The following PCDHA10 variants were observed in gnomAD, a reference collection of about 807,000 sequenced individuals.
PCDHA10 encodes the protein protocadherin alpha 10, also known as protocadherin alpha-10.
PCDHA10 carries 45 observed loss-of-function variants against 61.2 expected under a neutral mutation model. The observed-to-expected ratio is 0.74, with a 90% CI of 0.58 to 0.94. PCDHA10 has a LOEUF of 0.94. Ranked by LOEUF, PCDHA10 falls within the 40% of genes least tolerant of loss-of-function variation. PCDHA10 has a pLI of 0.00. For synonymous variants in PCDHA10, 602 were observed against 548.8 expected (o/e 1.10, Z -1.35); for missense variants, 1,278 against 1,236.2 (o/e 1.03, Z -0.51).
chr5:140,903,955 A>G (rs536986744), intron 1 of PCDHA10, among the ~76,000 whole-genome samples: 1 of 152,308 alleles, frequency 6.6e-6, no homozygotes, highest in Non-Finnish European at 1.5e-5. Context: ...CTGGAAAATT[A>G]TTTGTTGATT....
intron 3 of PCDHA10, among the ~76,000 whole-genome samples, chr5:140,993,781 A>T (rs1587593339): frequency 6.6e-6 from 1 of 152,216 alleles, no homozygotes; most frequent in African/African-American, 2.4e-5. Flanking sequence ...TATTTTGTAC[A>T]GTAACATGCT....
At chr5:140,957,189 G>A (rs1376112973) in intron 1 of PCDHA10, among the ~76,000 whole-genome samples, 1 of 152,056 alleles carries the variant, frequency 6.6e-6, no homozygotes. Context: ...ATTGATGACC[G>A]ATTGGGAATA....
chr5:140,967,576 A>T (rs2096159229), intron 1 of PCDHA10: 1 of 1,613,838 alleles, frequency 6.2e-7, no homozygotes, highest in African/African-American at 1.3e-5. Context: ...GGGAGGACTC[A>T]CCCCCAGGCA....
intron 1 of PCDHA10, among the ~76,000 whole-genome samples, chr5:140,972,279 A>G (rs568636203): frequency 3.3e-5 from 5 of 150,992 alleles, no homozygotes; most frequent in South Asian, 4.2e-4. Context: ...AGCTTGGACC[A>G]TAGATGTGCG....
intron 1 of PCDHA10, among the ~76,000 whole-genome samples, chr5:140,917,447 A>T (rs155358): frequency 0.58 from 87,947 of 151,944 alleles, 26,404 homozygotes; most frequent in African/African-American, 0.75. Flanking sequence ...TTGCTGCAAG[A>T]GCGTTTGGCA....
chr5:140,955,998 G>A (rs1194688184), intron 1 of PCDHA10, among the ~76,000 whole-genome samples: 1 of 152,174 alleles, frequency 6.6e-6, no homozygotes, highest in Non-Finnish European at 1.5e-5. Context: ...CATTGATTTT[G>A]TATCCTGAGA....
At chr5:140,968,507 T>A in intron 1 of PCDHA10, 1 of 1,614,178 alleles carries the variant, frequency 6.2e-7, no homozygotes, top group South Asian at 1.1e-5. Context: ...TCACATTCTG[T>A]ACCCTACCTC....
rs782282264 is a variant in PCDHA10, at chr5:141,009,955, A to C, written c.*18A>C. The C allele has an allele frequency of 6.3e-7, 1 of 1,592,536 alleles. No homozygotes were observed. The highest frequency in any genetic ancestry group is 2.2e-5 in the East Asian group (1 of 44,734). ...ACCAGTGAGGTCCTCAAATGGAAAC[A>C]AGCCACTTAGCCAGTTTTTGTAATA... is the stretch of plus-strand genomic sequence containing the variant. On this transcript the variant is annotated 3_prime_UTR_variant, in exon 4 of 4. Coordinates refer to ENST00000307360, the MANE Select transcript of PCDHA10 (RefSeq NM_018901.4).
intron 1 of PCDHA10, chr5:140,929,010 G>C (rs1554206575): frequency 6.2e-7 from 1 of 1,614,128 alleles, no homozygotes; most frequent in Non-Finnish European, 8.5e-7. Flanking sequence ...TGTGTACCAA[G>C]TTGCACCAGA....
intron 1 of PCDHA10, chr5:140,884,143 G>A: frequency 6.2e-7 from 1 of 1,613,438 alleles, no homozygotes; most frequent in Non-Finnish European, 8.5e-7. Context: ...TCCGCGTGGG[G>A]CTGTACACTG....
intron 3 of PCDHA10, among the ~76,000 whole-genome samples, chr5:140,986,774 A>G (rs1201484926): frequency 6.6e-6 from 1 of 152,226 alleles, no homozygotes; most frequent in Non-Finnish European, 1.5e-5. Context: ...TTAATTAGGT[A>G]GCGGAAGCCA....
At chr5:140,929,268 A>G (rs1303371377) in intron 1 of PCDHA10, 1 of 1,611,476 alleles carries the variant, frequency 6.2e-7, no homozygotes, top group Non-Finnish European at 8.5e-7. Flanking sequence ...TGAATTTGCC[A>G]ATATCCTGTA....
At chr5:140,927,754 C>T (rs1554205003) in intron 1 of PCDHA10, 1 of 1,614,030 alleles carries the variant, frequency 6.2e-7, no homozygotes, top group African/African-American at 1.3e-5. Flanking sequence ...TCACGTGCAC[C>T]CTAAAAGTGG....
chr5:140,921,721 C>A (rs2080351320), intron 1 of PCDHA10, among the ~76,000 whole-genome samples: 2 of 152,068 alleles, frequency 1.3e-5, no homozygotes, highest in African/African-American at 4.8e-5. Context: ...ACACGAATTA[C>A]TCCCATAAAA....
At chr5:140,876,991 T>C in intron 1 of PCDHA10, 1 of 1,612,564 alleles carries the variant, frequency 6.2e-7, no homozygotes, top group Non-Finnish European at 8.5e-7. Flanking sequence ...ACTGTCGAGC[T>C]ACGTGTCGGT....
At chr5:140,870,543 CGCGGACGCGCAG>C in intron 1 of PCDHA10, 1 of 1,614,114 alleles carries the variant, frequency 6.2e-7, no homozygotes, top group Non-Finnish European at 8.5e-7. Context: ...CGGCGCGGGA[CGCGGACGCGCAG>C]GAGAACGCGC....
chr5:140,900,752 T>C lies in PCDHA10; in HGVS notation c.2388+42316T>C, dbSNP rs565842266. On this transcript the variant is annotated intron_variant, in intron 1 of 3. Coordinates refer to ENST00000307360, the MANE Select transcript of PCDHA10 (RefSeq NM_018901.4). ...GCAGTGGGATTTCTGGATCACTTGG[T>C]AGCTCTATTTTTGGCTTTTTGAGGA... Among the ~76,000 whole-genome samples, 3 of 152,272 alleles carry C rather than the reference T, an allele frequency of 2.0e-5. No homozygotes were observed. In the East Asian group the frequency reaches 5.8e-4, roughly 29 times the overall value.
chr5:140,902,885 T>C (rs2069815301), intron 1 of PCDHA10, among the ~76,000 whole-genome samples: 1 of 152,238 alleles, frequency 6.6e-6, no homozygotes, highest in Admixed American at 6.5e-5. Context: ...CTGCAAAAGC[T>C]ATTATTTTAT....
chr5:140,921,364 T>G (rs2080173595), intron 1 of PCDHA10, among the ~76,000 whole-genome samples: 1 of 152,196 alleles, frequency 6.6e-6, no homozygotes, highest in Non-Finnish European at 1.5e-5. Flanking sequence ...TATTCAAGTT[T>G]CATATTTCTA....
Sources: allele counts gnomAD v4.1 joint callset (sites outside exome capture counted in the v4.1 genomes callset), GRCh38; gene constraint gnomAD v4.1.1; transcripts MANE v1.5; gene names NCBI Gene and HGNC (gene_info 2026-07-23, HGNC 2026-07-21).